Variants in ARFIP1 observed in about 807,000 individuals in gnomAD.
ARFIP1 encodes arfaptin-1.
In ARFIP1, 24 loss-of-function variants were observed where a neutral mutation model predicts 42.5. That is an observed-to-expected ratio of 0.57 (90% confidence interval 0.41 to 0.80). The LOEUF (loss-of-function observed/expected upper bound fraction) is 0.80, where lower values mean the gene tolerates loss of function less well. Among genes scored for constraint, ARFIP1 ranks in the 30% least tolerant of loss-of-function variants. ARFIP1 has a pLI of 0.00. For synonymous variants in ARFIP1, 141 were observed against 153.7 expected, an observed-to-expected ratio of 0.92 and a Z score of 0.61; for missense variants, 354 against 434.0, an observed-to-expected ratio of 0.82 and a Z score of 1.64.
At chr4:152,805,489 G>A (rs1449094334) in intron 1 of ARFIP1, among the ~76,000 whole-genome samples, 2 of 152,198 alleles carry the variant, frequency 1.3e-5, no homozygotes, top group Non-Finnish European at 2.9e-5. Context: ...TCTGGTGACT[G>A]GATGCTGCCA....
chr4:152,904,176 G>GTATATATA (rs1435452275), intron 8 of ARFIP1, among the ~76,000 whole-genome samples: 8 of 98,986 alleles, frequency 8.1e-5, no homozygotes, highest in African/African-American at 2.5e-4. Context: ...ATATGTGTGT[G>GTATATATA]TGTGTATATA....
At chr4:152,868,468 G>C (rs1003114229) in intron 3 of ARFIP1, among the ~76,000 whole-genome samples, 2 of 152,080 alleles carry the variant, frequency 1.3e-5, no homozygotes, top group African/African-American at 4.8e-5. Flanking sequence ...TGTTTAAAGG[G>C]TTAAAGTATT....
At chr4:152,781,779 A>T (rs1051209202) in intron 1 of ARFIP1, among the ~76,000 whole-genome samples, 2 of 152,224 alleles carry the variant, frequency 1.3e-5, no homozygotes, top group African/African-American at 4.8e-5. Context: ...GTTTCTTTCC[A>T]AATTGATAAA....
At chr4:152,864,831 C>T (rs1310276590) in intron 3 of ARFIP1, among the ~76,000 whole-genome samples, 1 of 151,716 alleles carries the variant, frequency 6.6e-6, no homozygotes, top group Non-Finnish European at 1.5e-5. Context: ...CTTTTCTGCA[C>T]ACATCTCATA....
intron 1 of ARFIP1, among the ~76,000 whole-genome samples, chr4:152,815,332 T>C (rs918066851): frequency 1.3e-5 from 2 of 152,188 alleles, no homozygotes; most frequent in African/African-American, 2.4e-5. Context: ...GCTTTAGATA[T>C]TTACTGTATG....
chr4:152,845,383 T>C (rs573943707), intron 2 of ARFIP1, among the ~76,000 whole-genome samples: 37 of 152,208 alleles, frequency 2.4e-4, no homozygotes, highest in African/African-American at 8.7e-4. Context: ...AGTTTCTGCA[T>C]AGCAAAAGAA....
intron 1 of ARFIP1, chr4:152,796,797 C>G (rs1731496392): frequency 1.0e-5 from 7 of 682,526 alleles, no homozygotes; most frequent in East Asian, 2.6e-5. Flanking sequence ...AATGGTATAG[C>G]ATTTATGGTG....
intron 8 of ARFIP1, 125 bp from the exon 9 acceptor site, chr4:152,909,939 G>T: frequency 8.1e-7 from 1 of 1,237,514 alleles, no homozygotes; most frequent in Non-Finnish European, 1.1e-6. Context: ...GAAATACTTG[G>T]TCATTATTAA....
chr4:152,858,874 CTATGTTGTATGTTA>C (rs1733647656), intron 2 of ARFIP1, among the ~76,000 whole-genome samples: 1 of 152,028 alleles, frequency 6.6e-6, no homozygotes, highest in South Asian at 2.1e-4. Flanking sequence ...GAGGGGATTG[CTATGTTGTATGTTA>C]TCTTTAAAGG....
Position 152,828,924 on chromosome 4 carries a change from A to AT in ARFIP1, c.-9-695dup, listed in dbSNP as rs367973063. The stretch of plus-strand genomic sequence containing the variant: ...CAGTGTAAGATCTTTATGTGGATTC[A>AT]TTTTTTGCATGTGGATGTCCAGCAC... On this transcript the variant is annotated intron_variant, in intron 1 of 8. Coordinates refer to ENST00000353617, the MANE Select transcript of ARFIP1 (RefSeq NM_001025595.3). Among the ~76,000 whole-genome samples, 17 of 152,258 alleles carry AT rather than the reference A, an allele frequency of 1.1e-4. No individual in the cohort carries two copies. The East Asian group carries it at 3.3e-3, about 29-fold the overall frequency.
intron 3 of ARFIP1, among the ~76,000 whole-genome samples, chr4:152,864,367 C>T (rs1402975091): frequency 1.3e-5 from 2 of 152,174 alleles, no homozygotes; most frequent in Admixed American, 6.5e-5. Flanking sequence ...ATTCACAGGA[C>T]TTACATAGTG....
chr4:152,850,212 C>T (rs1732871798), intron 2 of ARFIP1, among the ~76,000 whole-genome samples: 1 of 152,160 alleles, frequency 6.6e-6, no homozygotes, highest in South Asian at 2.1e-4. Flanking sequence ...TTACTACCTA[C>T]CATAACATTA....
intron 2 of ARFIP1, among the ~76,000 whole-genome samples, chr4:152,844,620 C>T (rs941850147): frequency 6.6e-6 from 1 of 151,828 alleles, no homozygotes; most frequent in Non-Finnish European, 1.5e-5. Flanking sequence ...TCCATAGAAG[C>T]AATAACCTAT....
Position 152,862,563 on chromosome 4 carries a change from A to G in ARFIP1, c.94-1043A>G, listed in dbSNP as rs536510260. Among the ~76,000 whole-genome samples the G allele has an allele frequency of 8.0e-4, 122 of 152,248 alleles. No individual in the cohort carries two copies. The Middle Eastern group carries it at 0.014, about 17-fold the overall frequency. ...TGTAATGGTTTAGAAAAAATATATA[A>G]CAGTAGTTATATATATTTATGATCT... On this transcript the variant is annotated intron_variant, in intron 2 of 8. Transcript: ENST00000353617.
chr4:152,874,168 CTCTTA>C (rs1463184627), intron 5 of ARFIP1, among the ~76,000 whole-genome samples: 2 of 152,066 alleles, frequency 1.3e-5, no homozygotes, highest in Non-Finnish European at 2.9e-5. Context: ...ATTCTTGCAT[CTCTTA>C]TCTCTACAAT....
chr4:152,836,495 A>G (rs549771827), intron 2 of ARFIP1, among the ~76,000 whole-genome samples: 1 of 152,284 alleles, frequency 6.6e-6, no homozygotes, highest in Admixed American at 6.5e-5. Context: ...ATGATTGTAT[A>G]TGTGTGGGTC....
At chr4:152,799,881 G>C (rs1283884471) in intron 1 of ARFIP1, among the ~76,000 whole-genome samples, 1 of 152,158 alleles carries the variant, frequency 6.6e-6, no homozygotes, top group East Asian at 1.9e-4. Flanking sequence ...TTGTCACTCT[G>C]ATAGATGCTA....
At chr4:152,910,005 T>A in intron 8 of ARFIP1, 59 bp from the exon 9 acceptor site, 1 of 1,549,266 alleles carries the variant, frequency 6.5e-7, no homozygotes, top group East Asian at 2.3e-5. Context: ...AATAAATCAC[T>A]CTCTATTTTA....
intron 3 of ARFIP1, among the ~76,000 whole-genome samples, chr4:152,868,883 T>C (rs187181054): frequency 4.1e-4 from 63 of 152,308 alleles, no homozygotes; most frequent in African/African-American, 1.5e-3. Context: ...AATGGAGATA[T>C]TATGGTGTTC....
Sources: gnomAD v4.1 joint callset for allele counts (sites outside exome capture counted in the v4.1 genomes callset) on GRCh38, gnomAD v4.1.1 for gene constraint, MANE v1.5 for transcripts, NCBI Gene and HGNC (gene_info 2026-07-23, HGNC 2026-07-21) for gene names.